SNX25: variants seen among roughly 807,000 people sequenced by gnomAD.
SNX25 encodes the protein sorting nexin-25.
In SNX25, 62 loss-of-function variants were observed where a neutral mutation model predicts 113.7. That is an observed-to-expected ratio of 0.55 (90% CI 0.44 to 0.67). The LOEUF is 0.67. SNX25 is among the 30% of genes least tolerant of loss of function. The probability of loss-of-function intolerance (pLI) is 0.00; values close to 1 mark genes in which losing one functional copy is unlikely to be tolerated. For missense variants in SNX25, 1,014 were observed against 1,161.0 expected, an observed-to-expected ratio of 0.87 and a Z score of 1.84; for synonymous variants, 421 against 436.2, an observed-to-expected ratio of 0.97 and a Z score of 0.43.
intron 6 of SNX25, among the ~76,000 whole-genome samples, chr4:185,303,581 C>T (rs1288562): frequency 0.42 from 63,087 of 150,312 alleles, 13,388 homozygotes; most frequent in East Asian, 0.54. Context: ...ATGGCATGAA[C>T]CTGGGAGGCG....
intron 5 of SNX25, among the ~76,000 whole-genome samples, chr4:185,276,346 A>T (rs1749674532): frequency 6.6e-6 from 1 of 152,252 alleles, no homozygotes; most frequent in Admixed American, 6.5e-5. Flanking sequence ...TCTTACTGTG[A>T]ACAGTGATCA....
chr4:185,267,251 A>C lies in SNX25; in HGVS notation c.1091+96A>C, dbSNP rs77905550. 6.4e-3 allele frequency: 7,793 copies of C among 1,213,794 alleles called. 183 individuals carry two copies. The highest frequency in any genetic ancestry group is 0.049 in the South Asian group (3,635 of 73,494). The allele number at this position is 1,213,794 out of a possible 1,614,324, so 75.2% of individuals were successfully genotyped here. A position where few individuals can be genotyped will look rare whatever the true frequency, so the allele number is the denominator to read the frequency against. On this transcript the variant is annotated intron_variant, in intron 5 of 18. Transcript: ENST00000652585. Reference sequence around the variant, plus strand: ...AAAAAAAAGTAGTTGTCAGGGAAGCAGAAATAAAACAAGTCTATAAATCTT... The same window carrying C: ...AAAAAAAAGTAGTTGTCAGGGAAGCCGAAATAAAACAAGTCTATAAATCTT...
At chr4:185,349,121 G>A (rs1244709398) in intron 13 of SNX25, among the ~76,000 whole-genome samples, 1 of 152,188 alleles carries the variant, frequency 6.6e-6, no homozygotes. Flanking sequence ...AATGGAAGAA[G>A]AAGGATTGTC....
intron 6 of SNX25, among the ~76,000 whole-genome samples, chr4:185,289,566 A>G (rs80216720): frequency 0.011 from 1,713 of 152,304 alleles, 22 homozygotes; most frequent in South Asian, 0.049. Context: ...ACAAAGGCCC[A>G]ACTGGTACTG....
intron 1 of SNX25, among the ~76,000 whole-genome samples, chr4:185,225,170 G>A (rs1253789353): frequency 1.3e-5 from 2 of 148,316 alleles, no homozygotes; most frequent in Non-Finnish European, 3.0e-5. Flanking sequence ...CCAGGCTGGA[G>A]TGCAGTGGCG....
chr4:185,335,520 T>G (rs1361116865), intron 10 of SNX25, among the ~76,000 whole-genome samples: 1 of 152,212 alleles, frequency 6.6e-6, no homozygotes, highest in African/African-American at 2.4e-5. Flanking sequence ...TGCAGACTTC[T>G]CCTCAACACA....
At chr4:185,206,532 G>A (rs917276129), upstream of SNX25, among the ~76,000 whole-genome samples, 2 of 151,890 alleles carry the variant, frequency 1.3e-5, no homozygotes, top group Non-Finnish European at 2.9e-5. Flanking sequence ...GCTGATGCAT[G>A]CCTGTAATCC....
At chr4:185,375,502 A>ATG in the SNX25 span, 1 of 78,356 alleles carries the variant, frequency 1.3e-5, no homozygotes. Flanking sequence ...ATATATATAT[A>ATG]TATATATATA....
At position 185,334,225 on chromosome 4, in the gene SNX25, C is replaced by A. The variant is rs1385257113; in HGVS notation, c.1914+1466C>A. ...ATGGTGGCATGCATGGTAATCCCAG[C>A]TACTCAGGAGGGTGAGGCAGGAGAA... is the stretch of plus-strand genomic sequence containing the variant. On this transcript the variant is annotated intron_variant, in intron 10 of 18. Coordinates refer to ENST00000652585, the MANE Select transcript of SNX25 (RefSeq NM_001378034.2). The surrounding 1 kb of genome is among the most constrained non-coding windows in gnomAD (Gnocchi z 4.2). Among the ~76,000 whole-genome samples, 2 of 152,032 alleles carry A rather than the reference C, an allele frequency of 1.3e-5. No homozygotes were observed. Among genetic ancestry groups the A allele is most frequent in the Non-Finnish European group, 2.9e-5 (2 of 67,980 alleles).
intron 6 of SNX25, among the ~76,000 whole-genome samples, chr4:185,292,166 G>A (rs1299492092): frequency 1.3e-5 from 2 of 152,130 alleles, no homozygotes; most frequent in East Asian, 1.9e-4. Flanking sequence ...AGCTGGAACT[G>A]TATAGGTAGT....
intron 1 of SNX25, among the ~76,000 whole-genome samples, chr4:185,214,613 A>G (rs892144041): frequency 3.3e-5 from 5 of 152,114 alleles, no homozygotes; most frequent in Non-Finnish European, 7.4e-5. Context: ...TTAGTAGAAT[A>G]TCGGAAACTA....
chr4:185,323,769 C>T lies in SNX25; in HGVS notation c.1718C>T (p.Ala573Val), dbSNP rs141779032. ...TTGATAAAAGAGGAAGAAAAACATG[C>T]CTCACAGATGATTTCCAACAAGGAT... ...KLLIKEEEKHASQMISNKDEM... is the reference protein window; with the variant it reads ...KLLIKEEEKHVSQMISNKDEM... Residue 573 changes from alanine (A) to valine (V), a missense_variant, in exon 9 of 19, where the codon GCC becomes GTC. Transcript: ENST00000652585. The T allele has an allele frequency of 6.2e-7, 1 of 1,613,348 alleles. No individual in the cohort carries two copies. The highest frequency in any genetic ancestry group is 8.5e-7 in the Non-Finnish European group (1 of 1,179,770).
At position 185,332,647 on chromosome 4, in the gene SNX25, T is replaced by C. The variant is rs766194446; in HGVS notation, c.1802T>C (p.Ile601Thr). The C allele has an allele frequency of 6.2e-7, 1 of 1,614,082 alleles. No homozygotes were observed. Among genetic ancestry groups the C allele is most frequent in the South Asian group, 1.1e-5 (1 of 91,078 alleles). ...GCCGTGGATGATGGTACCAATCAGA[T>C]CAATGAACAAGCCAGTTTTGCTGTA... ...EEAVDDGTNQ[I>T]NEQASFAVNK... The change falls in exon 10 of 19, where the codon ATC becomes ACC. Residue 601 changes from isoleucine to threonine, a missense_variant. By Grantham distance (89) the Ile-to-Thr change is moderately conservative. Transcript: ENST00000652585.
rs369434936 is a variant in SNX25, at chr4:185,261,114, CTGTGTGTGTGTGTGTG to C, written c.731+2078_731+2093del. Among the ~76,000 whole-genome samples, 618 of 141,754 alleles carry C rather than the reference CTGTGTGTGTGTGTGTG, an allele frequency of 4.4e-3. 1 individual carries two copies. Among genetic ancestry groups the C allele is most frequent in the Middle Eastern group, 7.1e-3 (2 of 280 alleles). The allele number at this position is 141,754 out of a possible 152,430, so 93.0% of individuals were successfully genotyped here. A position where few individuals can be genotyped will look rare whatever the true frequency, so the allele number is the denominator to read the frequency against. On this transcript the variant is annotated intron_variant, in intron 3 of 18. Transcript: ENST00000652585. Reference sequence around the variant, plus strand: ...ATTCTGTCTGTCTGTCTGTCTGTCTCTGTGTGTGTGTGTGTGTGTGTGTGTGTGTGTGTGTGTGTGT... The same window carrying C: ...ATTCTGTCTGTCTGTCTGTCTGTCTCTGTGTGTGTGTGTGTGTGTGTGTGT...
At chr4:185,212,489 G>GTGTGTTTT (rs1560889937) in intron 1 of SNX25, among the ~76,000 whole-genome samples, 3 of 43,358 alleles carry the variant, frequency 6.9e-5, no homozygotes, top group Non-Finnish European at 1.4e-4. Context: ...GTGTGTGTGT[G>GTGTGTTTT]TGTTTTTTTT....
At chr4:185,286,143 T>G (rs934836115) in intron 5 of SNX25, among the ~76,000 whole-genome samples, 1 of 151,940 alleles carries the variant, frequency 6.6e-6, no homozygotes, top group Non-Finnish European at 1.5e-5. Flanking sequence ...AGAAACAGGG[T>G]CTTGCTCTGT....
chr4:185,373,499 A>G (rs1169935086), downstream of SNX25, among the ~76,000 whole-genome samples: 1 of 152,238 alleles, frequency 6.6e-6, no homozygotes, highest in African/African-American at 2.4e-5. Context: ...TGCTGCGATC[A>G]AAGACAACCC....
the SNX25 span, chr4:185,378,040 A>T: frequency 6.7e-7 from 1 of 1,494,428 alleles, no homozygotes; most frequent in Non-Finnish European, 9.3e-7. Flanking sequence ...ATGAACTGTT[A>T]AAGTGTTTTC....
intron 4 of SNX25, among the ~76,000 whole-genome samples, chr4:185,265,287 TACAC>T (rs1336660201): frequency 1.3e-5 from 2 of 152,234 alleles, no homozygotes; most frequent in Non-Finnish European, 2.9e-5. Flanking sequence ...AGAGTGTACT[TACAC>T]ACCTACATGG....
Sources: gnomAD v4.1 joint callset for allele counts (sites outside exome capture counted in the v4.1 genomes callset) on GRCh38, gnomAD v4.1.1 for gene constraint, Gnocchi (gnomAD v3.1) non-coding constraint, MANE v1.5 for transcripts, NCBI Gene and HGNC (gene_info 2026-07-23, HGNC 2026-07-21) for gene names.